GCGR: variants seen among roughly 807,000 people sequenced by gnomAD.
The protein encoded by GCGR is glucagon receptor.
In GCGR, 41 loss-of-function variants were observed where a neutral mutation model predicts 56.1. That is an observed-to-expected ratio of 0.73 (90% confidence interval 0.57 to 0.95). The LOEUF (loss-of-function observed/expected upper bound fraction) is 0.95, where lower values mean the gene tolerates loss of function less well. Ranked by LOEUF, GCGR falls within the 40% of genes least tolerant of loss-of-function variation. The probability of loss-of-function intolerance (pLI) is 0.00; values close to 1 mark genes in which losing one functional copy is unlikely to be tolerated. For synonymous variants in GCGR, 278 were observed against 271.1 expected (o/e 1.03, Z -0.25); for missense variants, 595 against 638.2 (o/e 0.93, Z 0.73).
At chr17:81,809,697 G>A (rs1200923423) in intron 2 of GCGR, 85 bp from the exon 3 acceptor site, 1 of 1,041,696 alleles carries the variant, frequency 9.6e-7, no homozygotes, top group Non-Finnish European at 1.4e-6. Context: ...CCATCTACCT[G>A]CCTGCCTGTC....
At position 81,810,744 on chromosome 17, in the gene GCGR, G is replaced by A. The variant is rs994825571; in HGVS notation, c.164-81G>A. 8.3e-6 allele frequency: 11 copies of A among 1,325,458 alleles called. No homozygotes were observed. The highest frequency in any genetic ancestry group is 2.9e-5 in the African/African-American group (2 of 68,708). The allele number at this position is 1,325,458 out of a possible 1,614,324, so 82.1% of individuals were successfully genotyped here. ...TGACGGCCGAGCTCAGGCTTCCAGA[G>A]AGAGGAGAGAGGCCTGCTGAGGGAG... On this transcript the variant is annotated intron_variant, in intron 3 of 13. Transcript: ENST00000400723. This position sits in a 1 kb window ranked among gnomAD's most constrained non-coding sequence, Gnocchi z 4.6.
rs977996229 is a variant in GCGR at position 81,810,714 on chromosome 17, C to T, written c.164-111C>T. Reference sequence around the variant, plus strand: ...GGAGCAGCCCAGGCCATGTCCTGGGCGAGGTGACGGCCGAGCTCAGGCTTC... The same window carrying T: ...GGAGCAGCCCAGGCCATGTCCTGGGTGAGGTGACGGCCGAGCTCAGGCTTC... On this transcript the variant is annotated intron_variant, in intron 3 of 13. Transcript: ENST00000400723. The surrounding 1 kb of genome is among the most constrained non-coding windows in gnomAD (Gnocchi z 4.6). 1.9e-5 allele frequency: 19 copies of T among 1,005,782 alleles called. No individual in the cohort carries two copies. The highest frequency in any genetic ancestry group is 4.1e-5 in the Admixed American group (2 of 49,332). The allele number at this position is 1,005,782 out of a possible 1,614,324, so 62.3% of individuals were successfully genotyped here. A position where few individuals can be genotyped will look rare whatever the true frequency, so the allele number is the denominator to read the frequency against.
rs747611271 is a variant in GCGR at position 81,809,807 on chromosome 17, T to C, written c.86T>C (p.Met29Thr). ...CQPQVPSAQV[M>T]DFLFEKWKLY... is the part of the protein sequence containing the mutation. ...CCACAGGTCCCCTCCGCTCAGGTGA[T>C]GGACTTCCTGTTTGAGAAGTGGAAG... Residue 29 changes from methionine (M) to threonine (T), a missense_variant, in exon 3 of 14, where the codon ATG becomes ACG. By Grantham distance (81) the Met-to-Thr change is moderately conservative. Coordinates refer to ENST00000400723, the MANE Select transcript of GCGR (RefSeq NM_000160.5). 2 of 1,536,564 alleles carry C rather than the reference T, an allele frequency of 1.3e-6. No homozygotes were observed. Among genetic ancestry groups the C allele is most frequent in the East Asian group, 4.9e-5 (2 of 40,932 alleles).
rs1431371303 is a variant in GCGR, at chr17:81,810,806, GCCCTA to G, written c.164-9_164-5del. The G allele has an allele frequency of 2.6e-6, 4 of 1,534,598 alleles. No individual in the cohort carries two copies. Among genetic ancestry groups the G allele is most frequent in the Non-Finnish European group, 3.5e-6 (4 of 1,144,906 alleles). On this transcript the variant is annotated splice_polypyrimidine_tract_variant and intron_variant, in intron 3 of 13. Transcript: ENST00000400723. This position sits in a 1 kb window ranked among gnomAD's most constrained non-coding sequence, Gnocchi z 4.6. ...ACCCTGCCCTGCCCTGCTCTGCCCTGCCCTACCCTACCCTGCAGAGCTGGTGTGCA... is the reference window on the plus strand; with the variant it reads ...ACCCTGCCCTGCCCTGCTCTGCCCTGCCCTACCCTGCAGAGCTGGTGTGCA...
In GCGR at chr17:81,810,211, C is replaced by T. The variant is rs1042501838; in HGVS notation, c.163+327C>T. The T allele has an allele frequency of 1.6e-5, 7 of 434,708 alleles. No homozygotes were observed. The highest frequency in any genetic ancestry group is 4.2e-5 in the South Asian group (2 of 47,914). The allele number at this position is 434,708 out of a possible 1,614,324, so 26.9% of individuals were successfully genotyped here. A position where few individuals can be genotyped will look rare whatever the true frequency, so the allele number is the denominator to read the frequency against. The stretch of plus-strand genomic sequence containing the variant: ...TTTCAGTGGGCAGACAGTGCCAGGG[C>T]GTGGAAGCTGGGACCCAGGGGCCTG... On this transcript the variant is annotated intron_variant, in intron 3 of 13. Coordinates refer to ENST00000400723, the MANE Select transcript of GCGR (RefSeq NM_000160.5). This position sits in a 1 kb window ranked among gnomAD's most constrained non-coding sequence, Gnocchi z 4.6.
rs567081976 is a variant in GCGR, at chr17:81,811,574, G to A, written c.657+14G>A. ...CTCAGTGATGGAGTGAGCCCCCCTC[G>A]GCGGCCCCAGGCAGGTGGGTGGGTG... On this transcript the variant is annotated intron_variant, in intron 7 of 13. Coordinates refer to ENST00000400723, the MANE Select transcript of GCGR (RefSeq NM_000160.5). The surrounding 1 kb of genome is among the most constrained non-coding windows in gnomAD (Gnocchi z 5.8). The A allele has an allele frequency of 1.2e-4, 180 of 1,536,204 alleles. No homozygotes were observed. Among genetic ancestry groups the A allele is most frequent in the Admixed American group, 2.5e-4 (13 of 51,012 alleles).
intron 3 of GCGR, 92 bp downstream of exon 3, chr17:81,809,976 C>A: frequency 2.1e-6 from 2 of 950,464 alleles, no homozygotes; most frequent in South Asian, 1.4e-5. Flanking sequence ...GCTTATGCAG[C>A]CTTTGAGGAC....
In GCGR at chr17:81,812,057, C is replaced by T; in HGVS notation, c.878+111C>T. ...TGAGCCTGGTGCCTGGGGAGGGGGT[C>T]ATTTGTGACCTTCTCCCTTCCTTTT... is the stretch of plus-strand genomic sequence containing the variant. On this transcript the variant is annotated intron_variant, in intron 9 of 13. Transcript: ENST00000400723. The surrounding 1 kb of genome is among the most constrained non-coding windows in gnomAD (Gnocchi z 8.5). 1 of 1,503,932 alleles carries T rather than the reference C, an allele frequency of 6.6e-7. No homozygotes were observed. Among genetic ancestry groups the T allele is most frequent in the African/African-American group, 1.4e-5 (1 of 72,262 alleles). 93.2% of individuals were successfully genotyped at this position (1,503,932 alleles called of 1,614,324 possible).
chr17:81,810,892 C>T lies in GCGR; in HGVS notation c.231C>T (p.Ala77=), dbSNP rs1007049423. ...CWPDTPANTT[A]NISCPWYLPW... ...CGGACACCCCCGCCAATACCACGGC[C>T]AACATCTCCTGCCCCTGGTACCTGC... The change falls in exon 4 of 14, where the codon GCC becomes GCT. Residue 77 remains alanine, a synonymous_variant. Coordinates refer to ENST00000400723, the MANE Select transcript of GCGR (RefSeq NM_000160.5). The surrounding 1 kb of genome is among the most constrained non-coding windows in gnomAD (Gnocchi z 4.6). The T allele has an allele frequency of 6.7e-7, 1 of 1,498,428 alleles. No individual in the cohort carries two copies. Among genetic ancestry groups the T allele is most frequent in the Non-Finnish European group, 8.9e-7 (1 of 1,123,126 alleles). The allele number at this position is 1,498,428 out of a possible 1,614,324, so 92.8% of individuals were successfully genotyped here. A position where few individuals can be genotyped will look rare whatever the true frequency, so the allele number is the denominator to read the frequency against.
chr17:81,813,093 C>G lies in GCGR; in HGVS notation c.1218+36C>G, dbSNP rs2038138053. 1 of 1,535,126 alleles carries G rather than the reference C, an allele frequency of 6.5e-7. No homozygotes were observed. Among genetic ancestry groups the G allele is most frequent in the East Asian group, 2.4e-5 (1 of 40,902 alleles). ...GTGGGGGCATCTGAGACCATCAGCA[C>G]TGGCCGTCGGGGTCAGGGGCAGAGA... On this transcript the variant is annotated intron_variant, in intron 13 of 13. Coordinates refer to ENST00000400723, the MANE Select transcript of GCGR (RefSeq NM_000160.5). The surrounding 1 kb of genome is among the most constrained non-coding windows in gnomAD (Gnocchi z 5.3).
chr17:81,805,770 C>T (rs2037949514), intron 1 of GCGR, among the ~76,000 whole-genome samples: 1 of 152,196 alleles, frequency 6.6e-6, no homozygotes, highest in African/African-American at 2.4e-5. Context: ...GTCACCTGGA[C>T]TGTGAAGGTG....
In GCGR at chr17:81,811,339, G is replaced by A. The variant is rs755693390; in HGVS notation, c.500+11G>A. 1.6e-5 allele frequency: 25 copies of A among 1,534,466 alleles called. No individual in the cohort carries two copies. Among genetic ancestry groups the A allele is most frequent in the African/African-American group, 5.5e-5 (4 of 73,028 alleles). ...CCTGGGGGGCCTCAGGTAGGATTCC[G>A]CCAGCGCCCGGGGCGGCCGCAGAGG... On this transcript the variant is annotated intron_variant, in intron 6 of 13. Transcript: ENST00000400723. The surrounding 1 kb of genome is among the most constrained non-coding windows in gnomAD (Gnocchi z 5.8).
intron 2 of GCGR, among the ~76,000 whole-genome samples, chr17:81,809,512 T>C (rs868618449): frequency 7.6e-4 from 85 of 111,342 alleles, no homozygotes; most frequent in Middle Eastern, 4.1e-3. Flanking sequence ...TCTGCCTGCC[T>C]GTCTGCCTGC....
In GCGR at chr17:81,811,942, G is replaced by A. The variant is rs908475371; in HGVS notation, c.874G>A (p.Val292Ile). ...AGTGGTCAAGTGTCTGTTCGAGAAC[G>A]TCCAGTGAGTATGAGCGGCTGGACA... ...WAVVKCLFEN[V>I]QCWTSNDNMG... Residue 292 changes from valine (V) to isoleucine (I), a missense_variant, in exon 9 of 14, where the codon GTC (valine) becomes ATC (isoleucine). Physicochemically the swap from Val to Ile is conservative, Grantham distance 29 (BLOSUM62 3). Coordinates refer to ENST00000400723, the MANE Select transcript of GCGR (RefSeq NM_000160.5). The surrounding 1 kb of genome is among the most constrained non-coding windows in gnomAD (Gnocchi z 5.8). The A allele has an allele frequency of 4.0e-5, 61 of 1,536,934 alleles. No individual in the cohort carries two copies. The highest frequency in any genetic ancestry group is 1.7e-4 in the Middle Eastern group (1 of 6,004).
At chr17:81,809,474 TCTGC>T (rs1378559449) in intron 2 of GCGR, among the ~76,000 whole-genome samples, 2 of 138,494 alleles carry the variant, frequency 1.4e-5, no homozygotes, top group Non-Finnish European at 1.5e-5. Flanking sequence ...TGCCTGCCTG[TCTGC>T]CTGCCTGTCC....
Position 81,813,538 on chromosome 17 carries a change from G to A in GCGR, c.1283G>A (p.Arg428Gln), listed in dbSNP as rs61734385. The A allele has an allele frequency of 2.6e-4, 402 of 1,536,156 alleles. 4 individuals are homozygous for A. The African/African-American group carries it at 4.1e-3, about 16-fold the overall frequency. ...WRLGKVLWEE[R>Q]NTSNHRASSS... ...CTGGGCAAAGTGCTATGGGAGGAGC[G>A]GAACACCAGCAACCACAGGGCCTCA... is the stretch of plus-strand genomic sequence containing the variant. The change falls in exon 14 of 14, where the codon CGG becomes CAG. Residue 428 changes from arginine to glutamine, a missense_variant. Coordinates refer to ENST00000400723, the MANE Select transcript of GCGR (RefSeq NM_000160.5). This position sits in a 1 kb window ranked among gnomAD's most constrained non-coding sequence, Gnocchi z 5.3.
In GCGR at chr17:81,812,233, C is replaced by T. The variant is rs1195738034; in HGVS notation, c.929C>T (p.Pro310Leu). ...GGCTTCTGGTGGATCCTGCGGTTCCCCGTCTTCCTGGCCATCCTGGTGAGG... is the reference window on the plus strand; with the variant it reads ...GGCTTCTGGTGGATCCTGCGGTTCCTCGTCTTCCTGGCCATCCTGGTGAGG... ...NMGFWWILRF[P>L]VFLAILINFF... Residue 310 changes from proline to leucine, a missense_variant, in exon 10 of 14, where the codon CCC becomes CTC. Transcript: ENST00000400723. The surrounding 1 kb of genome is among the most constrained non-coding windows in gnomAD (Gnocchi z 8.5). The T allele has an allele frequency of 1.3e-6, 2 of 1,535,752 alleles. No homozygotes were observed. Among genetic ancestry groups the T allele is most frequent in the African/African-American group, 1.4e-5 (1 of 72,976 alleles).
chr17:81,808,808 C>T (rs1448100625), intron 1 of GCGR, 34 bp from the exon 2 acceptor site: 8 of 617,434 alleles, frequency 1.3e-5, no homozygotes, highest in Non-Finnish European at 2.3e-5. Context: ...CGTGAGCCGC[C>T]GCGCCCGGCC....
rs752897191 is a variant in GCGR, at chr17:81,812,766, G to A, written c.1038-41G>A. 3.0e-5 allele frequency: 46 copies of A among 1,534,618 alleles called. No individual in the cohort carries two copies. The highest frequency in any genetic ancestry group is 4.0e-5 in the Non-Finnish European group (46 of 1,146,206). ...AAGCTCCACGTGGATGGTGCGGGCC[G>A]AGGGTGGGGGCGGTGGGTGACTCAG... On this transcript the variant is annotated intron_variant, in intron 11 of 13. Transcript: ENST00000400723. This position sits in a 1 kb window ranked among gnomAD's most constrained non-coding sequence, Gnocchi z 8.5.
Sources: gnomAD v4.1 joint callset for allele counts (sites outside exome capture counted in the v4.1 genomes callset) on GRCh38, gnomAD v4.1.1 for gene constraint, Gnocchi (gnomAD v3.1) non-coding constraint, MANE v1.5 for transcripts, NCBI Gene and HGNC (gene_info 2026-07-23, HGNC 2026-07-21) for gene names.